Variants in MICAL3 observed in about 807,000 individuals in gnomAD.
MICAL3 encodes microtubule associated monooxygenase, calponin and LIM domain containing 3.
MICAL3 carries 62 observed loss-of-function variants against 207.4 expected under a neutral mutation model. The observed-to-expected ratio is 0.30, with a 90% CI of 0.24 to 0.37. The LOEUF is 0.37. Ranked by LOEUF, MICAL3 falls within the 10% of genes least tolerant of loss-of-function variation. The pLI is 1.00. For synonymous variants in MICAL3, 1,077 were observed against 1,069.3 expected (o/e 1.01, Z -0.14); for missense variants, 2,368 against 2,635.6 (o/e 0.90, Z 2.22).
intron 1 of MICAL3, among the ~76,000 whole-genome samples, chr22:17,980,167 TGAG>T (rs1935844480): frequency 6.6e-6 from 1 of 152,042 alleles, no homozygotes; most frequent in Admixed American, 6.5e-5. Flanking sequence ...TATGAGCTCT[TGAG>T]GAACAGGAGG....
At chr22:17,989,358 T>A (rs1184620236) in intron 1 of MICAL3, among the ~76,000 whole-genome samples, 2 of 152,160 alleles carry the variant, frequency 1.3e-5, no homozygotes, top group Non-Finnish European at 2.9e-5. Context: ...ACCCTCATCA[T>A]AGCTCTTACC....
At chr22:18,023,070 C>T (rs965897005) in intron 1 of MICAL3, among the ~76,000 whole-genome samples, 4 of 152,110 alleles carry the variant, frequency 2.6e-5, no homozygotes, top group Admixed American at 2.0e-4. Context: ...GCATACCCTG[C>T]CCTCCAACGG....
intron 1 of MICAL3, among the ~76,000 whole-genome samples, chr22:18,018,450 A>C (rs897439076): frequency 6.6e-6 from 1 of 152,102 alleles, no homozygotes; most frequent in African/African-American, 2.4e-5. Flanking sequence ...CAGGCTGGAC[A>C]TGGTGGCTCA....
chr22:17,864,400 T>C, intron 19 of MICAL3: 1 of 1,362,828 alleles, frequency 7.3e-7, no homozygotes, highest in South Asian at 1.7e-5. Flanking sequence ...ACGCAGAATC[T>C]TAAGTGAAGG....
intron 19 of MICAL3, among the ~76,000 whole-genome samples, chr22:17,843,065 GA>G (rs1204913719): frequency 1.4e-5 from 2 of 139,690 alleles, no homozygotes; most frequent in African/African-American, 5.5e-5. Flanking sequence ...AGCTTGCAGT[GA>G]ACCGAGATTG....
chr22:17,797,824 C>A (rs534747796), intron 29 of MICAL3, among the ~76,000 whole-genome samples: 3 of 152,390 alleles, frequency 2.0e-5, no homozygotes, highest in African/African-American at 7.2e-5. Context: ...GCAGAGGACG[C>A]AGAGGTGGGC....
chr22:17,944,853 G>A (rs1044947035), intron 1 of MICAL3, among the ~76,000 whole-genome samples: 10 of 152,080 alleles, frequency 6.6e-5, no homozygotes, highest in East Asian at 1.9e-4. Flanking sequence ...AGGCTGAGGC[G>A]GAGCAGGGTT....
At chr22:17,936,938 C>T (rs1165579768) in intron 1 of MICAL3, among the ~76,000 whole-genome samples, 2 of 152,216 alleles carry the variant, frequency 1.3e-5, no homozygotes, top group African/African-American at 4.8e-5. Flanking sequence ...ATGCCACCTT[C>T]CTCTGCAAGA....
intron 1 of MICAL3, among the ~76,000 whole-genome samples, chr22:17,914,432 T>TGCAGATGGGGAAAGC (rs1556395606): frequency 3.0e-5 from 2 of 67,312 alleles, no homozygotes; most frequent in Non-Finnish European, 6.7e-5. Flanking sequence ...ACCTCCATTT[T>TGCAGATGGGGAAAGC]GCAGATGGGG....
chr22:17,831,902 C>G lies in MICAL3; in HGVS notation c.3007G>C (p.Glu1003Gln). The G allele has an allele frequency of 3.2e-6, 5 of 1,557,050 alleles. No individual in the cohort carries two copies. The highest frequency in any genetic ancestry group is 4.3e-6 in the Non-Finnish European group (5 of 1,149,986). ...TCGTCATAGTCCTCCTCCTCCTCCT[C>G]TTCATATTCTTCCTCCTCCTCCTCC... is the stretch of plus-strand genomic sequence containing the variant. ...EEEEEEEEYE[E>Q]EEEEDYDEEE... is the part of the protein sequence containing the mutation. The change falls in exon 21 of 32, where the codon GAG (glutamate) becomes CAG (glutamine). Residue 1003 changes from glutamate (E) to glutamine (Q), a missense_variant. Glu to Gln is a conservative substitution (Grantham distance 29, BLOSUM62 2). This residue lies in a region of MICAL3 where 1,770 missense variants were observed against 1,863.2 expected (regional missense o/e 0.95). Coordinates refer to ENST00000441493, the MANE Select transcript of MICAL3 (RefSeq NM_015241.3).
chr22:17,944,253 G>A (rs1024112335), intron 1 of MICAL3, among the ~76,000 whole-genome samples: 6 of 152,122 alleles, frequency 3.9e-5, no homozygotes, highest in Admixed American at 2.0e-4. Context: ...AGAGGTTCTC[G>A]GGACTTCATT....
intron 1 of MICAL3, among the ~76,000 whole-genome samples, chr22:17,984,737 G>C (rs555596148): frequency 2.0e-5 from 3 of 152,290 alleles, no homozygotes; most frequent in Admixed American, 2.0e-4. Flanking sequence ...CTGACTCCAT[G>C]GCAGGTGTTA....
At chr22:17,967,385 G>A (rs1935188049) in intron 1 of MICAL3, among the ~76,000 whole-genome samples, 1 of 151,966 alleles carries the variant, frequency 6.6e-6, no homozygotes, top group South Asian at 2.1e-4. Flanking sequence ...ATATATTTAA[G>A]GCATTTACTC....
chr22:17,831,732 T>C (rs1922827963), intron 21 of MICAL3, 122 bp downstream of exon 21: 2 of 1,451,750 alleles, frequency 1.4e-6, no homozygotes, highest in South Asian at 2.9e-5. Flanking sequence ...GGAGGGGTGG[T>C]CCCTGGGCTG....
intron 1 of MICAL3, chr22:18,001,493 C>G (rs959353837): frequency 7.2e-5 from 11 of 152,398 alleles, no homozygotes; most frequent in East Asian, 1.9e-4. Flanking sequence ...AGGTAGCAGC[C>G]GGAGAAGCGG....
intron 18 of MICAL3, among the ~76,000 whole-genome samples, chr22:17,865,203 T>C (rs1414130029): frequency 6.6e-6 from 1 of 151,938 alleles, no homozygotes; most frequent in African/African-American, 2.4e-5. Context: ...CCCGACCTCC[T>C]GGGCTCAAGC....
intron 1 of MICAL3, among the ~76,000 whole-genome samples, chr22:17,961,262 A>G (rs1431678173): frequency 6.6e-6 from 1 of 152,164 alleles, no homozygotes; most frequent in Non-Finnish European, 1.5e-5. Context: ...AAAGAAATGC[A>G]AAGATTTCTG....
chr22:17,849,064 A>G (rs1924942169), intron 19 of MICAL3, among the ~76,000 whole-genome samples: 1 of 152,230 alleles, frequency 6.6e-6, no homozygotes, highest in Non-Finnish European at 1.5e-5. Context: ...GTGTGTTCAC[A>G]AGAGTTTTCC....
chr22:17,824,732 C>T (rs1921994046), intron 22 of MICAL3, among the ~76,000 whole-genome samples: 1 of 152,166 alleles, frequency 6.6e-6, no homozygotes, highest in Non-Finnish European at 1.5e-5. Flanking sequence ...TGCTATCCTA[C>T]AGCATCGGCA....
Sources: allele counts gnomAD v4.1 joint callset (sites outside exome capture counted in the v4.1 genomes callset), GRCh38; gene constraint gnomAD v4.1.1; regional missense constraint gnomAD v4.1.1; transcripts MANE v1.5; gene names NCBI Gene and HGNC (gene_info 2026-07-23, HGNC 2026-07-21).